Variants in HDAC9 observed in about 807,000 individuals in gnomAD.
HDAC9 encodes the protein histone deacetylase 9, also known as MEF-2 interacting transcription repressor (MITR) protein.
Under a neutral mutation model 139.4 loss-of-function variants are expected in HDAC9, and 41 were observed. That is an observed-to-expected ratio of 0.29 (90% CI 0.23 to 0.38). The LOEUF is 0.38. Ranked by LOEUF, HDAC9 falls within the 10% of genes least tolerant of loss-of-function variation. The pLI, the probability that HDAC9 is intolerant of heterozygous loss-of-function variation, is 1.00. For synonymous variants in HDAC9, 517 were observed against 476.2 expected (o/e 1.09, Z -1.12); for missense variants, 1,147 against 1,297.0 (o/e 0.88, Z 1.78).
chr7:18,584,900 C>T (rs894466282), intron 2 of HDAC9, among the ~76,000 whole-genome samples: 11 of 150,826 alleles, frequency 7.3e-5, no homozygotes, highest in Admixed American at 1.3e-4. Flanking sequence ...TGGAAGTTCT[C>T]TCTTAGGGCA....
intron 2 of HDAC9, among the ~76,000 whole-genome samples, chr7:18,555,684 G>A (rs1381632066): frequency 1.3e-5 from 2 of 152,004 alleles, no homozygotes; most frequent in Non-Finnish European, 2.9e-5. Flanking sequence ...GATATTTTCT[G>A]TATTTTATTA....
chr7:18,205,900 C>G (rs1415833798), intron 2 of HDAC9, among the ~76,000 whole-genome samples: 2 of 152,074 alleles, frequency 1.3e-5, no homozygotes, highest in Non-Finnish European at 2.9e-5. Context: ...GGAGCCCATA[C>G]TTTTTTATCT....
chr7:18,637,072 A>G (rs560386623), intron 8 of HDAC9, among the ~76,000 whole-genome samples: 37 of 152,222 alleles, frequency 2.4e-4, no homozygotes, highest in Non-Finnish European at 4.1e-4. Flanking sequence ...TGTCATTGCA[A>G]TGTTTCAGAA....
At chr7:18,547,798 C>T (rs1815497863) in intron 2 of HDAC9, among the ~76,000 whole-genome samples, 2 of 127,460 alleles carry the variant, frequency 1.6e-5, no homozygotes, top group African/African-American at 5.5e-5. Flanking sequence ...GATTCCATTT[C>T]AAGAAACCCC....
intron 2 of HDAC9, among the ~76,000 whole-genome samples, chr7:18,183,176 A>AT (rs1340085972): frequency 4.7e-5 from 7 of 149,438 alleles, no homozygotes; most frequent in East Asian, 1.9e-4. Flanking sequence ...CACCCGGCTA[A>AT]TTTTTTGTAT....
chr7:18,358,163 G>A (rs1438312572), intron 1 of HDAC9, among the ~76,000 whole-genome samples: 1 of 152,090 alleles, frequency 6.6e-6, no homozygotes, highest in East Asian at 1.9e-4. Context: ...ATTCCAGCCT[G>A]GGCAACAGAG....
intron 12 of HDAC9, among the ~76,000 whole-genome samples, chr7:18,711,952 C>A (rs1425325444): frequency 7.0e-6 from 1 of 142,974 alleles, no homozygotes; most frequent in Admixed American, 7.1e-5. Context: ...TTTTTTCCTT[C>A]GGGAAAACAG....
At chr7:18,324,380 T>C (rs955251250) in intron 1 of HDAC9, among the ~76,000 whole-genome samples, 8 of 152,186 alleles carry the variant, frequency 5.3e-5, no homozygotes, top group Non-Finnish European at 1.0e-4. Flanking sequence ...GTCTCAATTT[T>C]CCTGTCTCTG....
At chr7:18,893,639 C>T (rs539903481) in intron 22 of HDAC9, among the ~76,000 whole-genome samples, 2 of 152,222 alleles carry the variant, frequency 1.3e-5, no homozygotes, top group South Asian at 2.1e-4. Flanking sequence ...ACATTTGCAT[C>T]GTCACTGAAA....
At chr7:18,917,456 A>G (rs1002989822) in intron 22 of HDAC9, among the ~76,000 whole-genome samples, 1 of 146,992 alleles carries the variant, frequency 6.8e-6, no homozygotes, top group African/African-American at 2.4e-5. Context: ...ATATGAAAAA[A>G]GACAGTATCT....
intron 6 of HDAC9, among the ~76,000 whole-genome samples, chr7:18,608,380 A>G (rs904057825): frequency 7.9e-5 from 12 of 152,144 alleles, no homozygotes; most frequent in African/African-American, 2.7e-4. Flanking sequence ...TTTTTTATCA[A>G]GTGACTTTAT....
chr7:18,149,667 C>T (rs1003628358), intron 1 of HDAC9, among the ~76,000 whole-genome samples: 1 of 152,086 alleles, frequency 6.6e-6, no homozygotes, highest in Non-Finnish European at 1.5e-5. Flanking sequence ...TCTCCCGCCT[C>T]AGCCTCCCAA....
chr7:18,524,506 T>C (rs1266182691), intron 2 of HDAC9, among the ~76,000 whole-genome samples: 1 of 152,190 alleles, frequency 6.6e-6, no homozygotes, highest in Admixed American at 6.5e-5. Context: ...TCATACAACA[T>C]GTACAAAAGT....
rs755980586 is a variant in HDAC9, at chr7:18,647,742, A to G, written c.1036-43A>G. ...ATGATTTAGAGACCCAGTGACCCAC[A>G]TGGATGAAAGAGGATTAACATCTTT... On this transcript the variant is annotated intron_variant, in intron 9 of 25. Transcript: ENST00000686413. 2.0e-6 allele frequency: 3 copies of G among 1,505,582 alleles called. No homozygotes were observed. In the East Asian group the frequency reaches 7.3e-5, roughly 37 times the overall value. The allele number at this position is 1,505,582 out of a possible 1,614,324, so 93.3% of individuals were successfully genotyped here. A position where few individuals can be genotyped will look rare whatever the true frequency, so the allele number is the denominator to read the frequency against.
intron 13 of HDAC9, among the ~76,000 whole-genome samples, chr7:18,746,764 A>G (rs1216175643): frequency 2.0e-5 from 3 of 152,194 alleles, no homozygotes. Flanking sequence ...GGCCACTGAA[A>G]TTTCAAAGGT....
intron 1 of HDAC9, among the ~76,000 whole-genome samples, chr7:18,380,462 C>A (rs758019770): frequency 1.3e-5 from 2 of 152,134 alleles, no homozygotes; most frequent in African/African-American, 2.4e-5. Context: ...GAGACCAAAG[C>A]ATTACTTGTT....
intron 17 of HDAC9, among the ~76,000 whole-genome samples, chr7:18,797,548 C>T (rs1224848373): frequency 6.6e-6 from 1 of 151,988 alleles, no homozygotes; most frequent in African/African-American, 2.4e-5. Flanking sequence ...TAAATTATGG[C>T]CCTGCGCAGT....
At chr7:18,987,479 T>C (rs1439097397) in intron 25 of HDAC9, among the ~76,000 whole-genome samples, 5 of 152,296 alleles carry the variant, frequency 3.3e-5, no homozygotes, top group African/African-American at 9.6e-5. Context: ...CAGTATTTTA[T>C]TGAGGATTTT....
At chr7:18,704,640 T>G (rs530054335) in intron 12 of HDAC9, among the ~76,000 whole-genome samples, 4 of 152,286 alleles carry the variant, frequency 2.6e-5, no homozygotes, top group African/African-American at 7.2e-5. Context: ...GGAGCAAAGA[T>G]AAAATGAAGA....
Sources: allele counts gnomAD v4.1 joint callset (sites outside exome capture counted in the v4.1 genomes callset), GRCh38; gene constraint gnomAD v4.1.1; transcripts MANE v1.5; gene names NCBI Gene and HGNC (gene_info 2026-07-23, HGNC 2026-07-21).